RBMS3: variants seen among roughly 807,000 people sequenced by gnomAD.
The protein encoded by RBMS3 is RNA binding motif single stranded interacting protein 3.
In RBMS3, 27 loss-of-function variants were observed where a neutral mutation model predicts 66.8. The observed-to-expected ratio is 0.40, with a 90% CI of 0.30 to 0.56. The LOEUF (loss-of-function observed/expected upper bound fraction) is 0.56. Ranked by LOEUF, RBMS3 falls within the 20% of genes least tolerant of loss-of-function variation. RBMS3 has a pLI of 0.40. For missense variants in RBMS3, 513 were observed against 549.5 expected (o/e 0.93, Z 0.66); for synonymous variants, 188 against 183.0 (o/e 1.03, Z -0.22).
intron 6 of RBMS3, among the ~76,000 whole-genome samples, chr3:29,837,379 T>A (rs570745360): frequency 6.6e-6 from 1 of 151,944 alleles, no homozygotes; most frequent in Non-Finnish European, 1.5e-5. Context: ...TTTCTTTGCT[T>A]TTCTTCACAC....
intron 3 of RBMS3, among the ~76,000 whole-genome samples, chr3:29,560,915 AGTGT>A (rs376939020): frequency 3.3e-4 from 51 of 152,260 alleles, no homozygotes; most frequent in African/African-American, 1.2e-3. Context: ...GAAAGGTCCC[AGTGT>A]GTGTTGTTAC....
chr3:29,390,694 C>A (rs1417276027), intron 1 of RBMS3, among the ~76,000 whole-genome samples: 1 of 152,182 alleles, frequency 6.6e-6, no homozygotes, highest in Non-Finnish European at 1.5e-5. Context: ...TTTCTTTAAA[C>A]TAGCATTTCC....
At chr3:29,884,061 C>T in intron 7 of RBMS3, 101 bp from the exon 8 acceptor site, 1 of 1,022,364 alleles carries the variant, frequency 9.8e-7, no homozygotes, top group Non-Finnish European at 1.5e-6. Context: ...AAACTTAGAT[C>T]ATGGAAAGTA....
At chr3:29,828,438 A>G (rs1165851174) in intron 6 of RBMS3, among the ~76,000 whole-genome samples, 1 of 152,172 alleles carries the variant, frequency 6.6e-6, no homozygotes, top group Non-Finnish European at 1.5e-5. Context: ...ACTGTTTAGC[A>G]TTAAGTAACT....
intron 10 of RBMS3, among the ~76,000 whole-genome samples, 168 bp from the exon 11 acceptor site, chr3:29,935,918 C>T (rs1174495073): frequency 6.6e-6 from 1 of 152,082 alleles, no homozygotes; most frequent in Non-Finnish European, 1.5e-5. Context: ...CAGACAAGCA[C>T]AAAATGACAT....
At chr3:29,670,251 AAG>A (rs2050938682) in intron 4 of RBMS3, among the ~76,000 whole-genome samples, 1 of 152,164 alleles carries the variant, frequency 6.6e-6, no homozygotes, top group African/African-American at 2.4e-5. Flanking sequence ...AGGGTCATTG[AAG>A]ATTTAATTAG....
chr3:29,953,337 A>G (rs1695807077), intron 12 of RBMS3, among the ~76,000 whole-genome samples: 1 of 151,966 alleles, frequency 6.6e-6, no homozygotes, highest in Non-Finnish European at 1.5e-5. Context: ...TTAGGTTTGC[A>G]GAATGTACCT....
intron 1 of RBMS3, among the ~76,000 whole-genome samples, chr3:29,419,364 G>T (rs1195630678): frequency 6.6e-6 from 1 of 152,058 alleles, no homozygotes; most frequent in East Asian, 1.9e-4. Context: ...AGCATTTATT[G>T]TAATATTATC....
intron 1 of RBMS3, among the ~76,000 whole-genome samples, chr3:29,361,985 G>A (rs1267013310): frequency 6.6e-6 from 1 of 152,162 alleles, no homozygotes; most frequent in African/African-American, 2.4e-5. Context: ...TCTTTGCAAT[G>A]GGTTTGAACT....
At chr3:29,469,670 T>TATAC (rs1380546577) in intron 2 of RBMS3, among the ~76,000 whole-genome samples, 1 of 151,044 alleles carries the variant, frequency 6.6e-6, no homozygotes, top group African/African-American at 2.4e-5. Flanking sequence ...AAACCATATA[T>TATAC]ATATATATAC....
intron 4 of RBMS3, among the ~76,000 whole-genome samples, chr3:29,610,006 GC>G (rs2048441339): frequency 6.6e-6 from 1 of 151,952 alleles, no homozygotes; most frequent in African/African-American, 2.4e-5. Flanking sequence ...AAACATTTCA[GC>G]CTTTTCTCAT....
At chr3:29,769,479 G>A (rs1274986636) in intron 6 of RBMS3, among the ~76,000 whole-genome samples, 1 of 151,870 alleles carries the variant, frequency 6.6e-6, no homozygotes, top group African/African-American at 2.4e-5. Context: ...AGCAGCTGGA[G>A]GCTTACGATT....
intron 5 of RBMS3, among the ~76,000 whole-genome samples, chr3:29,752,179 T>A (rs752407491): frequency 1.2e-4 from 18 of 152,152 alleles, no homozygotes; most frequent in Non-Finnish European, 2.4e-4. Context: ...AGTGGGAAGA[T>A]AATCTTCCCC....
At chr3:29,388,084 G>GACACACACACACACAC (rs55679426) in intron 1 of RBMS3, among the ~76,000 whole-genome samples, 1 of 146,968 alleles carries the variant, frequency 6.8e-6, no homozygotes, top group Non-Finnish European at 1.5e-5. Context: ...CACACACACA[G>GACACACACACACACAC]ACACACACAC....
At chr3:29,786,256 A>C (rs2056814033) in intron 6 of RBMS3, among the ~76,000 whole-genome samples, 1 of 152,120 alleles carries the variant, frequency 6.6e-6, no homozygotes, top group South Asian at 2.1e-4. Flanking sequence ...GAAAATGACC[A>C]TACTGCCAAA....
rs73042556 is a variant in RBMS3 at position 29,422,339 on chromosome 3, G to A, written c.76-12404G>A. On this transcript the variant is annotated intron_variant, in intron 1 of 14. Coordinates refer to ENST00000383767, the MANE Select transcript of RBMS3 (RefSeq NM_001003793.3). ...ACAATAGCAATTTGGAGAAGAAAAA[G>A]CAGAACTGTCTTATTACTAGGGATA... 3.2e-3 allele frequency among the ~76,000 whole-genome samples: 477 copies of A among 147,640 alleles called. 3 individuals are homozygous for A. Among genetic ancestry groups the A allele is most frequent in the Middle Eastern group, 7.5e-3 (2 of 268 alleles).
In RBMS3 at chr3:29,444,541, A is replaced by G. The variant is rs540203123; in HGVS notation, c.248+9626A>G. ...TATGGTAAAGGACAACCAGGAGTGC[A>G]GGAGTGTGCTATACCACAGCAGCTG... is the stretch of plus-strand genomic sequence containing the variant. On this transcript the variant is annotated intron_variant, in intron 2 of 14. Transcript: ENST00000383767. Among the ~76,000 whole-genome samples, 7 of 152,184 alleles carry G rather than the reference A, an allele frequency of 4.6e-5. 1 individual carries two copies. The highest frequency in any genetic ancestry group is 1.4e-4 in the African/African-American group (6 of 41,568).
At chr3:29,692,502 GAAC>G (rs1004549615) in intron 4 of RBMS3, among the ~76,000 whole-genome samples, 49 of 152,066 alleles carry the variant, frequency 3.2e-4, no homozygotes, top group African/African-American at 1.1e-3. Flanking sequence ...ATTAAAAACG[GAAC>G]AACAGAACCG....
intron 2 of RBMS3, among the ~76,000 whole-genome samples, chr3:29,452,274 C>T (rs927623802): frequency 5.9e-5 from 9 of 152,210 alleles, no homozygotes; most frequent in South Asian, 2.1e-4. Context: ...GGTGTGTGGA[C>T]GAGTTTTAAA....
Sources: allele counts gnomAD v4.1 joint callset (sites outside exome capture counted in the v4.1 genomes callset), GRCh38; gene constraint gnomAD v4.1.1; transcripts MANE v1.5; gene names NCBI Gene and HGNC (gene_info 2026-07-23, HGNC 2026-07-21).